The following DCC variants were observed in gnomAD, a reference collection of about 807,000 sequenced individuals.
DCC encodes netrin receptor DCC.
A neutral mutation model predicts 172.5 loss-of-function variants in DCC; 58 were observed. The ratio of observed to expected loss-of-function variants is 0.34; its 90% CI spans 0.27 to 0.42. DCC has a LOEUF of 0.42. Among genes scored for constraint, DCC ranks in the 10% least tolerant of loss-of-function variants. The pLI is 1.00. For missense variants in DCC, 1,740 were observed against 1,791.0 expected (o/e 0.97, Z 0.51); for synonymous variants, 709 against 644.5 (o/e 1.10, Z -1.52).
chr18:53,437,606 A>AAAAAAAAGCTC (rs1568132115), intron 22 of DCC, among the ~76,000 whole-genome samples: 4 of 147,132 alleles, frequency 2.7e-5, no homozygotes, highest in African/African-American at 1.1e-4. Context: ...AAAAAAAAAA[A>AAAAAAAAGCTC]AAAAGCTCAC....
In DCC at chr18:53,428,089, T is replaced by C. The variant is rs1480169638; in HGVS notation, c.3164-7055T>C. Among the ~76,000 whole-genome samples, 10 of 15,960 alleles carry C rather than the reference T, an allele frequency of 6.3e-4. 4 individuals are homozygous for C. Among genetic ancestry groups the C allele is most frequent in the Non-Finnish European group, 1.1e-3 (9 of 8,416 alleles). The allele number at this position is 15,960 out of a possible 152,430, so 10.5% of individuals were successfully genotyped here. ...TATATCATATAATATATTATAATAA[T>C]ATATAATATATAATATAATATAATA... On this transcript the variant is annotated intron_variant, in intron 21 of 28. Transcript: ENST00000442544.
intron 2 of DCC, among the ~76,000 whole-genome samples, chr18:52,893,888 C>A (rs950011732): frequency 6.3e-5 from 9 of 143,518 alleles, no homozygotes; most frequent in Non-Finnish European, 1.4e-4. Context: ...TCAAAACACA[C>A]AAGGCTTATA....
chr18:52,979,523 G>A (rs1173480326), intron 5 of DCC, among the ~76,000 whole-genome samples: 1 of 152,194 alleles, frequency 6.6e-6, no homozygotes, highest in African/African-American at 2.4e-5. Flanking sequence ...GTCTTTCTCA[G>A]TCAGAGTATT....
At chr18:53,448,905 T>C (rs892585919) in intron 22 of DCC, among the ~76,000 whole-genome samples, 24 of 152,188 alleles carry the variant, frequency 1.6e-4, no homozygotes, top group African/African-American at 5.8e-4. Flanking sequence ...CCAAATGCTA[T>C]TGTAGATATT....
At chr18:53,149,288 G>A (rs971980803) in intron 7 of DCC, among the ~76,000 whole-genome samples, 1 of 152,118 alleles carries the variant, frequency 6.6e-6, no homozygotes, top group Admixed American at 6.6e-5. Context: ...GCCGTTTATT[G>A]AATGCAAATC....
At chr18:53,006,645 T>G (rs1254107012) in intron 5 of DCC, among the ~76,000 whole-genome samples, 1 of 152,240 alleles carries the variant, frequency 6.6e-6, no homozygotes, top group Non-Finnish European at 1.5e-5. Context: ...CTACTGCATG[T>G]TATACTGTTA....
intron 1 of DCC, among the ~76,000 whole-genome samples, chr18:52,446,215 C>G (rs116229334): frequency 6.6e-6 from 1 of 152,162 alleles, no homozygotes; most frequent in South Asian, 2.1e-4. Context: ...GCCACCGTGC[C>G]CGGCCTCCTT....
At chr18:53,515,328 C>A (rs1441542250) in intron 27 of DCC, among the ~76,000 whole-genome samples, 1 of 149,784 alleles carries the variant, frequency 6.7e-6, no homozygotes, top group Admixed American at 6.7e-5. Flanking sequence ...TATGAGAAAC[C>A]CACAGCCAAT....
At position 53,224,141 on chromosome 18, in the gene DCC, C is replaced by T. The variant is rs77791769; in HGVS notation, c.1911+8544C>T. Among the ~76,000 whole-genome samples, 1,157 of 152,190 alleles carry T rather than the reference C, an allele frequency of 7.6e-3. 15 individuals carry two copies. The highest frequency in any genetic ancestry group is 0.01 in the Middle Eastern group (3 of 294). The stretch of plus-strand genomic sequence containing the variant: ...AATTGACACAAGGGAGTGGTAAGTT[C>T]TGTGAAGAAAATCAAGAACAGTCAT... On this transcript the variant is annotated intron_variant, in intron 12 of 28. Coordinates refer to ENST00000442544, the MANE Select transcript of DCC (RefSeq NM_005215.4).
At chr18:53,357,845 T>C (rs2057894490) in intron 15 of DCC, among the ~76,000 whole-genome samples, 1 of 152,194 alleles carries the variant, frequency 6.6e-6, no homozygotes, top group African/African-American at 2.4e-5. Flanking sequence ...GAATAGTTCA[T>C]TGAAAATTCA....
intron 1 of DCC, among the ~76,000 whole-genome samples, chr18:52,622,729 A>G (rs761089799): frequency 6.6e-6 from 1 of 152,194 alleles, no homozygotes; most frequent in Non-Finnish European, 1.5e-5. Flanking sequence ...CTATTAATAG[A>G]TGTATCCACA....
chr18:53,487,855 A>G (rs1038397879), intron 26 of DCC, among the ~76,000 whole-genome samples: 4 of 152,134 alleles, frequency 2.6e-5, no homozygotes, highest in African/African-American at 4.8e-5. Context: ...TCGAGGAAAA[A>G]TAGTTGCCCA....
intron 1 of DCC, among the ~76,000 whole-genome samples, chr18:52,423,082 T>C (rs1039958701): frequency 6.6e-6 from 1 of 152,180 alleles, no homozygotes; most frequent in African/African-American, 2.4e-5. Flanking sequence ...CCTGGATTCA[T>C]TCACCTATTT....
chr18:52,822,613 A>G (rs1330244785), intron 2 of DCC, among the ~76,000 whole-genome samples: 1 of 152,236 alleles, frequency 6.6e-6, no homozygotes, highest in East Asian at 1.9e-4. Context: ...GAGAATGTCA[A>G]GCTGCTACCA....
intron 27 of DCC, among the ~76,000 whole-genome samples, chr18:53,504,195 A>C (rs1219353679): frequency 6.6e-6 from 1 of 152,196 alleles, no homozygotes; most frequent in African/African-American, 2.4e-5. Context: ...AACTGCCAAT[A>C]AATTACTATA....
intron 1 of DCC, among the ~76,000 whole-genome samples, chr18:52,643,036 G>A (rs748030228): frequency 1.3e-5 from 2 of 152,140 alleles, no homozygotes; most frequent in Admixed American, 6.5e-5. Flanking sequence ...ATTGAAAATG[G>A]CCACCTATCC....
intron 1 of DCC, among the ~76,000 whole-genome samples, chr18:52,687,932 G>T (rs2145004969): frequency 6.6e-6 from 1 of 152,210 alleles, no homozygotes; most frequent in South Asian, 2.1e-4. Flanking sequence ...CGACCCTTCA[G>T]TTGTCTTTGA....
At chr18:52,540,763 C>T (rs1025336816) in intron 1 of DCC, among the ~76,000 whole-genome samples, 1 of 151,770 alleles carries the variant, frequency 6.6e-6, no homozygotes, top group East Asian at 1.9e-4. Flanking sequence ...CCCGCCACCA[C>T]GCCCAGCTAA....
chr18:52,344,672 C>A (rs1983803272), intron 1 of DCC, among the ~76,000 whole-genome samples: 1 of 152,094 alleles, frequency 6.6e-6, no homozygotes, highest in Non-Finnish European at 1.5e-5. Context: ...GCTGAAGTTT[C>A]TGAACAGAAT....
Sources: gnomAD v4.1 joint callset for allele counts (sites outside exome capture counted in the v4.1 genomes callset) on GRCh38, gnomAD v4.1.1 for gene constraint, MANE v1.5 for transcripts, NCBI Gene and HGNC (gene_info 2026-07-23, HGNC 2026-07-21) for gene names.